Variants in YIPF1 observed in about 807,000 individuals in gnomAD.
YIPF1 encodes protein YIPF1.
Under a neutral mutation model 37.0 loss-of-function variants are expected in YIPF1, and 22 were observed. The observed-to-expected ratio is 0.59, with a 90% confidence interval of 0.42 to 0.85. The LOEUF is 0.85. YIPF1 is among the 40% of genes least tolerant of loss of function. The probability of loss-of-function intolerance (pLI) is 0.00; values close to 1 mark genes in which losing one functional copy is unlikely to be tolerated. For synonymous variants in YIPF1, 128 were observed against 131.9 expected (o/e 0.97, Z 0.21); for missense variants, 355 against 373.1 (o/e 0.95, Z 0.40).
At chr1:53,882,748 C>T (rs1650535085) in intron 4 of YIPF1, among the ~76,000 whole-genome samples, 1 of 151,484 alleles carries the variant, frequency 6.6e-6, no homozygotes, top group Non-Finnish European at 1.5e-5. Flanking sequence ...CGTGAGCCAC[C>T]ACGCCTGGCT....
intron 3 of YIPF1, among the ~76,000 whole-genome samples, chr1:53,883,660 TGATTC>T (rs1650564022): frequency 6.6e-6 from 1 of 152,240 alleles, no homozygotes; most frequent in African/African-American, 2.4e-5. Context: ...TTTACTTCTT[TGATTC>T]AAGTCCAAAA....
At chr1:53,888,791 C>A (rs1303321269) in intron 3 of YIPF1, 116 bp downstream of exon 3, 3 of 1,084,006 alleles carry the variant, frequency 2.8e-6, no homozygotes, top group Non-Finnish European at 3.9e-6. Context: ...CCAACAGCCA[C>A]CAAGATGTTT....
rs780471157 is a variant in YIPF1, at chr1:53,878,373, CAA to C, written c.304_305del (p.Leu102AlafsTer35). ...TCACAAAGTTTTTCCCGGGTATTGG[CAA>C]AAGAGATCCTTTAATTCTGTCAAAG... is the stretch of plus-strand genomic sequence containing the variant. Reference protein sequence around the residue: ...QVFDRIKGSLLPIPGKNFVRL... With the variant: ...QVFDRIKGSLXPIPGKNFVRL... On this transcript the variant is annotated frameshift_variant, in exon 6 of 11. Coordinates refer to ENST00000072644, the MANE Select transcript of YIPF1 (RefSeq NM_018982.5). LOFTEE classifies it high-confidence loss of function. 32 of 1,613,998 alleles carry C rather than the reference CAA, an allele frequency of 2.0e-5. No homozygotes were observed. The highest frequency in any genetic ancestry group is 2.4e-5 in the Non-Finnish European group (28 of 1,180,002).
rs1274579917 is a variant in YIPF1 at position 53,869,154 on chromosome 1, T to TCA, written c.481+2217_481+2218insTG. On this transcript the variant is annotated intron_variant, in intron 7 of 10. Coordinates refer to ENST00000072644, the MANE Select transcript of YIPF1 (RefSeq NM_018982.5). ...CATTCTCTCTCTCTCTCTCTCTCTC[T>TCA]CTCTCTCACACACACACACACACAC... is the stretch of plus-strand genomic sequence containing the variant. Among the ~76,000 whole-genome samples, 233 of 127,454 alleles carry TCA rather than the reference T, an allele frequency of 1.8e-3. No homozygotes were observed. In the Middle Eastern group the frequency reaches 0.018, roughly 10 times the overall value. 83.6% of individuals were successfully genotyped at this position (127,454 alleles called of 152,430 possible).
At chr1:53,873,243 C>T (rs995608561) in intron 6 of YIPF1, among the ~76,000 whole-genome samples, 4 of 152,084 alleles carry the variant, frequency 2.6e-5, no homozygotes, top group Non-Finnish European at 5.9e-5. Flanking sequence ...GAAGGTAGTA[C>T]AGGGTGCCTA....
chr1:53,859,970 T>C, intron 10 of YIPF1, 86 bp downstream of exon 10: 1 of 1,358,688 alleles, frequency 7.4e-7, no homozygotes, highest in Non-Finnish European at 1.0e-6. Context: ...TCTGGCCCTC[T>C]GTGCTTAAAG....
At chr1:53,859,976 T>G in intron 10 of YIPF1, 80 bp downstream of exon 10, 1 of 1,448,182 alleles carries the variant, frequency 6.9e-7, no homozygotes, top group South Asian at 1.2e-5. Flanking sequence ...CCTCTGTGCT[T>G]AAAGCTAACA....
chr1:53,869,438 T>C (rs909615481), intron 7 of YIPF1, among the ~76,000 whole-genome samples: 4 of 152,178 alleles, frequency 2.6e-5, no homozygotes, highest in Non-Finnish European at 5.9e-5. Context: ...CTTACAATAG[T>C]CCTGTAAGAT....
At chr1:53,875,388 G>A (rs1469039864) in intron 6 of YIPF1, among the ~76,000 whole-genome samples, 2 of 152,102 alleles carry the variant, frequency 1.3e-5, no homozygotes, top group East Asian at 1.9e-4. Flanking sequence ...GGTGGCACAT[G>A]CCTGTAGTCC....
chr1:53,886,935 T>A (rs180901020), intron 3 of YIPF1, among the ~76,000 whole-genome samples: 93 of 152,040 alleles, frequency 6.1e-4, no homozygotes, highest in African/African-American at 2.2e-3. Flanking sequence ...AAGCTGTGAA[T>A]GTACTTGGTG....
At chr1:53,852,775 A>C (rs1265835462) in intron 10 of YIPF1, among the ~76,000 whole-genome samples, 2 of 128,736 alleles carry the variant, frequency 1.6e-5, no homozygotes, top group Non-Finnish European at 1.7e-5. Context: ...TTTGGGCAAT[A>C]GGGGGCCAAA....
chr1:53,866,350 A>C lies in YIPF1; in HGVS notation c.681T>G (p.Arg227=). The C allele has an allele frequency of 6.2e-7, 1 of 1,614,090 alleles. No homozygotes were observed. The highest frequency in any genetic ancestry group is 8.5e-7 in the Non-Finnish European group (1 of 1,179,998). The change falls in exon 9 of 11, where the codon CGT becomes CGG. Residue 227 remains arginine, a synonymous_variant. Transcript: ENST00000072644. ...ILWIIPQKAV[R]WILVMIALGI... ...CCAGGGCAATCATGACTAGAATCCA[A>C]CGAACAGCTTTCTGGGGGATAATCC...
At chr1:53,881,681 ATGG>A (rs1650505918) in intron 4 of YIPF1, among the ~76,000 whole-genome samples, 1 of 152,224 alleles carries the variant, frequency 6.6e-6, no homozygotes, top group Non-Finnish European at 1.5e-5. Context: ...GCCAGTCAGA[ATGG>A]TGATTATTAA....
At chr1:53,883,677 A>T in intron 3 of YIPF1, among the ~76,000 whole-genome samples, 1 of 152,354 alleles carries the variant, frequency 6.6e-6, no homozygotes, top group East Asian at 1.9e-4. Flanking sequence ...AGTCCAAAAA[A>T]TTTTAATGAA....
chr1:53,867,772 T>C (rs1364169968), intron 7 of YIPF1, among the ~76,000 whole-genome samples: 1 of 152,238 alleles, frequency 6.6e-6, no homozygotes, highest in African/African-American at 2.4e-5. Context: ...TGCAGCTCAC[T>C]GATTAACTGC....
rs987575338 is a variant in YIPF1, at chr1:53,869,154, TCTCTCTCACA to T, written c.481+2208_481+2217del. 4.0e-4 allele frequency among the ~76,000 whole-genome samples: 51 copies of T among 127,490 alleles called. No homozygotes were observed. In the South Asian group the frequency reaches 0.013, roughly 32 times the overall value. The allele number at this position is 127,490 out of a possible 152,430, so 83.6% of individuals were successfully genotyped here. ...CATTCTCTCTCTCTCTCTCTCTCTC[TCTCTCTCACA>T]CACACACACACACACACACACACAC... On this transcript the variant is annotated intron_variant, in intron 7 of 10. Transcript: ENST00000072644.
intron 3 of YIPF1, among the ~76,000 whole-genome samples, chr1:53,886,174 T>C (rs1412083312): frequency 6.6e-6 from 1 of 151,752 alleles, no homozygotes; most frequent in Non-Finnish European, 1.5e-5. Flanking sequence ...ATGAGAAGGA[T>C]GGCCAGAGGT....
At chr1:53,853,146 G>A (rs1649637711) in intron 10 of YIPF1, among the ~76,000 whole-genome samples, 1 of 152,216 alleles carries the variant, frequency 6.6e-6, no homozygotes, top group Admixed American at 6.5e-5. Flanking sequence ...GGACCCATGT[G>A]CCAGGTACTG....
chr1:53,889,610 G>C (rs946916047), intron 1 of YIPF1, 103 bp downstream of exon 1: 1 of 152,472 alleles, frequency 6.6e-6, no homozygotes, highest in African/African-American at 2.4e-5. Context: ...GCGAAGCAGA[G>C]GCAGTGTTTC....
Sources: allele counts gnomAD v4.1 joint callset (sites outside exome capture counted in the v4.1 genomes callset), GRCh38; gene constraint gnomAD v4.1.1; transcripts MANE v1.5; gene names NCBI Gene and HGNC (gene_info 2026-07-23, HGNC 2026-07-21).